The following ADGRE3 variants were observed in gnomAD, a reference collection of about 807,000 sequenced individuals.
The protein encoded by ADGRE3 is adhesion G protein-coupled receptor E3, also known as EGF-like module receptor 3.
Under a neutral mutation model 80.1 loss-of-function variants are expected in ADGRE3, and 88 were observed. The observed-to-expected ratio is 1.10, with a 90% CI of 0.93 to 1.31. The LOEUF (loss-of-function observed/expected upper bound fraction) is 1.31. ADGRE3 is among the 40% of genes most tolerant of loss of function. ADGRE3 has a pLI of 0.00. For synonymous variants in ADGRE3, 281 were observed against 294.8 expected, an observed-to-expected ratio of 0.95 and a Z score of 0.48; for missense variants, 715 against 776.5, an observed-to-expected ratio of 0.92 and a Z score of 0.94.
downstream of ADGRE3, among the ~76,000 whole-genome samples, chr19:14,614,840 G>A (rs978931896): frequency 6.6e-6 from 1 of 150,662 alleles, no homozygotes; most frequent in Non-Finnish European, 1.5e-5. Context: ...GCCTCCCAAC[G>A]TGCTGCGTGC....
At chr19:14,657,517 G>A (rs960684965) in intron 5 of ADGRE3, among the ~76,000 whole-genome samples, 3 of 150,998 alleles carry the variant, frequency 2.0e-5, no homozygotes, top group Non-Finnish European at 4.4e-5. Flanking sequence ...ATGTATGTAC[G>A]TACATGCACA....
intron 4 of ADGRE3, among the ~76,000 whole-genome samples, chr19:14,660,699 C>T (rs1249098155): frequency 2.0e-5 from 3 of 151,990 alleles, no homozygotes; most frequent in Admixed American, 6.6e-5. Flanking sequence ...CAAGTCTCAT[C>T]TCTTTTCTCA....
At chr19:14,633,536 C>T (rs1243128804) in intron 11 of ADGRE3, among the ~76,000 whole-genome samples, 1 of 151,730 alleles carries the variant, frequency 6.6e-6, no homozygotes, top group East Asian at 2.0e-4. Flanking sequence ...GAAACCCCAT[C>T]TCTACTAAAA....
chr19:14,620,091 A>G lies in ADGRE3; in HGVS notation c.1921-620T>C, dbSNP rs115588617. On this transcript the variant is annotated intron_variant, in intron 15 of 15. Coordinates refer to ENST00000253673, the MANE Select transcript of ADGRE3 (RefSeq NM_032571.5). ...CATAGGCAACATTGCCTGGCGACCT[A>G]TCTGATCTTCCAACTTTATCACGTT... is the stretch of plus-strand genomic sequence containing the variant. Among the ~76,000 whole-genome samples, 1,182 of 152,212 alleles carry G rather than the reference A, an allele frequency of 7.8e-3. 15 individuals carry two copies. Among genetic ancestry groups the G allele is most frequent in the African/African-American group, 0.028 (1,148 of 41,532 alleles).
intron 2 of ADGRE3, among the ~76,000 whole-genome samples, chr19:14,665,027 T>C (rs967928921): frequency 6.6e-6 from 1 of 151,588 alleles, no homozygotes; most frequent in African/African-American, 2.4e-5. Flanking sequence ...GAGAATTTTT[T>C]CCACAGCTTC....
Position 14,621,932 on chromosome 19 carries a change from C to G in ADGRE3, c.1921-2461G>C. 14 of 1,030,722 alleles carry G rather than the reference C, an allele frequency of 1.4e-5. 3 individuals are homozygous for G. In the South Asian group the frequency reaches 1.9e-4, roughly 14 times the overall value. 63.8% of individuals were successfully genotyped at this position (1,030,722 alleles called of 1,614,324 possible). On this transcript the variant is annotated intron_variant, in intron 15 of 15. Transcript: ENST00000253673. ...CACTGAATACGTAAAATAGAACCAA[C>G]AGTCGTCAACATCCTTCTCCTTACA...
chr19:14,644,224 G>C lies in ADGRE3; in HGVS notation c.934C>G (p.Gln312Glu). The C allele has an allele frequency of 6.2e-7, 1 of 1,603,006 alleles. No homozygotes were observed. The change falls in exon 9 of 16, where the codon CAG becomes GAG. Residue 312 changes from glutamine to glutamate, a missense_variant. Gln to Glu is a conservative substitution (Grantham distance 29). Coordinates refer to ENST00000253673, the MANE Select transcript of ADGRE3 (RefSeq NM_032571.5). ...VFCVYWKSTG[Q>E]GSQWSRDGCF... ...CCATCCCTGGACCACTGGCTGCCCTGCCCTGTGCTCTTCCAGTAGACACAG... is the reference window on the plus strand; with the variant it reads ...CCATCCCTGGACCACTGGCTGCCCTCCCCTGTGCTCTTCCAGTAGACACAG...
chr19:14,625,495 A>G lies in ADGRE3; in HGVS notation c.1917T>C (p.Ser639=), dbSNP rs376729505. 7 of 1,589,922 alleles carry G rather than the reference A, an allele frequency of 4.4e-6. No homozygotes were observed. The African/African-American group carries it at 9.4e-5, about 21-fold the overall frequency. ...SSKMGPDSKP[S]EGDVFPGQVK... is the part of the protein sequence containing the mutation. ...ACAATTCAGATGTTTCACTTACCTC[A>G]CTGGGTTTTGAGTCAGGACCCATCT... The change falls in exon 15 of 16, where the codon AGT becomes AGC. Residue 639 remains serine (S), a synonymous_variant. Coordinates refer to ENST00000253673, the MANE Select transcript of ADGRE3 (RefSeq NM_032571.5).
At chr19:14,644,073 G>T in intron 9 of ADGRE3, 35 bp downstream of exon 9, 7 of 1,292,018 alleles carry the variant, frequency 5.4e-6, no homozygotes, top group South Asian at 2.2e-5. Context: ...GGCTCAGAAA[G>T]TATTTGCTGG....
rs145799475 is a variant in ADGRE3, at chr19:14,652,278, T to G, written c.578-1074A>C. 6.6e-5 allele frequency among the ~76,000 whole-genome samples: 10 copies of G among 152,186 alleles called. No homozygotes were observed. In the East Asian group the frequency reaches 1.7e-3, roughly 26 times the overall value. On this transcript the variant is annotated intron_variant, in intron 6 of 15. Coordinates refer to ENST00000253673, the MANE Select transcript of ADGRE3 (RefSeq NM_032571.5). ...ACACCTTAAATATATACAATTTTCT[T>G]TATCAATTACACCTTAATAAAGCTA...
chr19:14,668,928 T>C (rs1972178106), intron 1 of ADGRE3, 76 bp from the exon 2 acceptor site: 1 of 1,381,498 alleles, frequency 7.2e-7, no homozygotes, highest in Non-Finnish European at 1.0e-6. Context: ...CCAAGGACTG[T>C]GTATCAGTTA....
chr19:14,631,504 A>C (rs1970880639), intron 13 of ADGRE3, among the ~76,000 whole-genome samples: 1 of 151,306 alleles, frequency 6.6e-6, no homozygotes, highest in African/African-American at 2.4e-5. Context: ...ATATATACAC[A>C]CACAATATAT....
intron 14 of ADGRE3, 73 bp downstream of exon 14, chr19:14,629,966 C>T: frequency 3.0e-6 from 3 of 989,602 alleles, no homozygotes; most frequent in Non-Finnish European, 4.4e-6. Flanking sequence ...AGAATGTCAA[C>T]TTAAATCCCC....
At position 14,661,946 on chromosome 19, in the gene ADGRE3, G is replaced by A; in HGVS notation, c.355+17C>T. The A allele has an allele frequency of 6.2e-7, 1 of 1,612,356 alleles. No individual in the cohort carries two copies. Among genetic ancestry groups the A allele is most frequent in the South Asian group, 1.1e-5 (1 of 90,942 alleles). ...AACAACAGAGGAAGGAAGGCAGGAGGACAAAAATGTTCTTACCCTGACAGG... is the reference window on the plus strand; with the variant it reads ...AACAACAGAGGAAGGAAGGCAGGAGAACAAAAATGTTCTTACCCTGACAGG... On this transcript the variant is annotated intron_variant, in intron 4 of 15. Transcript: ENST00000253673.
At chr19:14,638,437 C>T (rs969517782) in intron 10 of ADGRE3, 97 bp from the exon 11 acceptor site, 210 of 826,834 alleles carry the variant, frequency 2.5e-4, no homozygotes, top group Non-Finnish European at 3.5e-4. Context: ...GAGCACCTGA[C>T]ATCAGACCAA....
At chr19:14,650,333 T>C (rs1426178868) in intron 7 of ADGRE3, among the ~76,000 whole-genome samples, 1 of 149,812 alleles carries the variant, frequency 6.7e-6, no homozygotes, top group Non-Finnish European at 1.5e-5. Flanking sequence ...TCTTTCCATC[T>C]CTTTCCCTAT....
intron 5 of ADGRE3, among the ~76,000 whole-genome samples, 167 bp from the exon 6 acceptor site, chr19:14,655,332 C>G (rs8106222): frequency 0.42 from 63,392 of 152,064 alleles, 13,619 homozygotes; most frequent in East Asian, 0.62. Context: ...GCAAGTCACT[C>G]AATCACTCTG....
At chr19:14,662,502 C>T (rs1350864750) in intron 3 of ADGRE3, among the ~76,000 whole-genome samples, 2 of 152,246 alleles carry the variant, frequency 1.3e-5, no homozygotes, top group East Asian at 1.9e-4. Context: ...TCTCCTGCCT[C>T]AGCCTCCCGA....
At position 14,638,237 on chromosome 19, in the gene ADGRE3, A is replaced by G. The variant is rs560993669; in HGVS notation, c.1352T>C (p.Leu451Pro). 4 of 1,614,096 alleles carry G rather than the reference A, an allele frequency of 2.5e-6. No individual in the cohort carries two copies. The African/African-American group carries it at 4.0e-5, about 16-fold the overall frequency. Residue 451 changes from leucine to proline, a missense_variant, in exon 11 of 16, where the codon CTG becomes CCG. Leu to Pro is a moderately conservative substitution (Grantham distance 98, BLOSUM62 -3). Coordinates refer to ENST00000253673, the MANE Select transcript of ADGRE3 (RefSeq NM_032571.5). ...GATGCTTGAGTAGTTGACCACTGTC[A>G]GGTTCCGTGCAGTGAGGAAGAGGTG... ...GVHLFLTARN[L>P]TVVNYSSINR...
Sources: allele counts gnomAD v4.1 joint callset (sites outside exome capture counted in the v4.1 genomes callset), GRCh38; gene constraint gnomAD v4.1.1; transcripts MANE v1.5; gene names NCBI Gene and HGNC (gene_info 2026-07-23, HGNC 2026-07-21).